The following PTTG1IP2 variants were observed in gnomAD, a reference collection of about 807,000 sequenced individuals.
PTTG1IP2 encodes the protein PTTG1IP family member 2.
At chr7:90,470,294 T>G (rs973065658) in intron 1 of PTTG1IP2, 25 of 152,328 alleles carry the variant, frequency 1.6e-4, no homozygotes, top group African/African-American at 5.8e-4. Flanking sequence ...TCTTAAGTTT[T>G]TTAAGGTCTT....
chr7:90,501,638 C>T (rs1490680859), intron 6 of PTTG1IP2, among the ~76,000 whole-genome samples: 1 of 152,220 alleles, frequency 6.6e-6, no homozygotes, highest in Non-Finnish European at 1.5e-5. Flanking sequence ...CACAGCACTA[C>T]AGCCTGGGTA....
intron 2 of PTTG1IP2, among the ~76,000 whole-genome samples, chr7:90,480,851 T>C (rs1797807787): frequency 6.6e-6 from 1 of 152,204 alleles, no homozygotes. Flanking sequence ...TTGTCCTATT[T>C]GGTTTCTCAT....
At position 90,497,713 on chromosome 7, in the gene PTTG1IP2, T is replaced by TAAAAAAAAAAAA. The variant is rs1491565834; in HGVS notation, c.*50+3284_*50+3285insAAAAAAAAAAAA. Among the ~76,000 whole-genome samples, 103 of 49,592 alleles carry TAAAAAAAAAAAA rather than the reference T, an allele frequency of 2.1e-3. 34 individuals carry two copies. Among genetic ancestry groups the TAAAAAAAAAAAA allele is most frequent in the East Asian group, 0.011 (14 of 1,320 alleles). 32.5% of individuals were successfully genotyped at this position (49,592 alleles called of 152,430 possible). On this transcript the variant is annotated intron_variant, in intron 6 of 6. Coordinates refer to ENST00000509356, the MANE Select transcript of PTTG1IP2 (RefSeq NM_001365443.2). Reference sequence around the variant, plus strand: ...GCCTGAGCGACAGAGAAAGACCCTGTATAAAAAAAAAAAAAAAAAAAAAAA... The same window carrying TAAAAAAAAAAAA: ...GCCTGAGCGACAGAGAAAGACCCTGTAAAAAAAAAAAAATAAAAAAAAAAAAAAAAAAAAAAA...
chr7:90,506,531 C>A (rs1798126634), intron 6 of PTTG1IP2, among the ~76,000 whole-genome samples: 1 of 151,994 alleles, frequency 6.6e-6, no homozygotes, highest in Non-Finnish European at 1.5e-5. Flanking sequence ...GGGAGGCCAA[C>A]AAGGGAGGAC....
At chr7:90,495,490 C>T (rs1001638727) in intron 6 of PTTG1IP2, among the ~76,000 whole-genome samples, 1 of 152,174 alleles carries the variant, frequency 6.6e-6, no homozygotes, top group Non-Finnish European at 1.5e-5. Flanking sequence ...GCACATTTGC[C>T]TTTCAGCAAG....
At chr7:90,476,124 T>G (rs177661) in intron 1 of PTTG1IP2, among the ~76,000 whole-genome samples, 144,987 of 151,914 alleles carry the variant, frequency 0.95, 69,227 homozygotes, top group East Asian at 1. Context: ...AAATACTCAA[T>G]AATATCCAGC....
At chr7:90,476,783 G>A (rs998576791) in intron 1 of PTTG1IP2, among the ~76,000 whole-genome samples, 5 of 151,724 alleles carry the variant, frequency 3.3e-5, no homozygotes, top group Non-Finnish European at 5.9e-5. Context: ...AGATGTAACA[G>A]GTAAATAAAA....
chr7:90,471,042 T>C (rs1211655326), intron 1 of PTTG1IP2, among the ~76,000 whole-genome samples: 1 of 151,838 alleles, frequency 6.6e-6, no homozygotes, highest in Non-Finnish European at 1.5e-5. Flanking sequence ...TCTCCAAAGA[T>C]GGAAGTTTCT....
intron 6 of PTTG1IP2, among the ~76,000 whole-genome samples, chr7:90,500,081 G>C (rs1798045327): frequency 6.6e-6 from 1 of 151,988 alleles, no homozygotes; most frequent in Non-Finnish European, 1.5e-5. Flanking sequence ...GGACTTGGTG[G>C]TGTGCACCTG....
intron 5 of PTTG1IP2, among the ~76,000 whole-genome samples, chr7:90,493,869 T>C (rs1797965413): frequency 6.6e-6 from 1 of 152,238 alleles, no homozygotes; most frequent in African/African-American, 2.4e-5. Flanking sequence ...TGTTTGCATA[T>C]GGTAGTTTTC....
intron 1 of PTTG1IP2, among the ~76,000 whole-genome samples, chr7:90,472,279 AACACACACACACACACACACAC>A (rs144907444): frequency 0.016 from 2,199 of 138,052 alleles, 46 homozygotes; most frequent in African/African-American, 0.055. Flanking sequence ...ATAGCATGCA[AACACACACACACACACACACAC>A]ACACACACAC....
chr7:90,477,804 A>T (rs1797766289), intron 1 of PTTG1IP2, among the ~76,000 whole-genome samples: 1 of 152,184 alleles, frequency 6.6e-6, no homozygotes, highest in African/African-American at 2.4e-5. Flanking sequence ...AGTGTAAGGT[A>T]TTAACAATAG....
intron 6 of PTTG1IP2, among the ~76,000 whole-genome samples, chr7:90,501,355 A>C (rs1307010246): frequency 6.6e-6 from 1 of 152,200 alleles, no homozygotes; most frequent in African/African-American, 2.4e-5. Flanking sequence ...TTATGTCTAA[A>C]AAACAACATA....
chr7:90,496,107 G>A (rs1007014812), intron 6 of PTTG1IP2, among the ~76,000 whole-genome samples: 10 of 152,140 alleles, frequency 6.6e-5, no homozygotes, highest in African/African-American at 1.9e-4. Flanking sequence ...ATATTAGCCC[G>A]CAATTTTCTT....
intron 3 of PTTG1IP2, among the ~76,000 whole-genome samples, chr7:90,488,253 A>C (rs1797898706): frequency 1.3e-5 from 2 of 152,058 alleles, no homozygotes; most frequent in Non-Finnish European, 2.9e-5. Context: ...TTCCGGTACT[A>C]TCAGATATAT....
intron 6 of PTTG1IP2, among the ~76,000 whole-genome samples, chr7:90,508,263 C>CAAAAAA (rs5885728): frequency 1.3e-5 from 1 of 76,912 alleles, no homozygotes; most frequent in Admixed American, 1.4e-4. Context: ...GAACTCGTCT[C>CAAAAAA]AAAAAAAAAA....
chr7:90,490,907 C>T (rs557450917), intron 4 of PTTG1IP2, among the ~76,000 whole-genome samples: 10 of 152,266 alleles, frequency 6.6e-5, no homozygotes, highest in Non-Finnish European at 1.2e-4. Flanking sequence ...TCTGGTTTAA[C>T]TCTGCTGTAT....
At chr7:90,478,096 C>CAAAAAAAA (rs370035849) in intron 1 of PTTG1IP2, among the ~76,000 whole-genome samples, 10 of 67,930 alleles carry the variant, frequency 1.5e-4, no homozygotes, top group East Asian at 3.1e-4. Context: ...GACTCCGTCT[C>CAAAAAAAA]AAAAAAAAAA....
In PTTG1IP2 at chr7:90,505,314, T is replaced by G. The variant is rs543282948; in HGVS notation, c.*51-7964T>G. Among the ~76,000 whole-genome samples the G allele has an allele frequency of 1.8e-3, 269 of 152,348 alleles. 1 individual carries two copies. Among genetic ancestry groups the G allele is most frequent in the Non-Finnish European group, 3.4e-3 (228 of 68,038 alleles). On this transcript the variant is annotated intron_variant, in intron 6 of 6. Coordinates refer to ENST00000509356, the MANE Select transcript of PTTG1IP2 (RefSeq NM_001365443.2). Reference sequence around the variant, plus strand: ...GGATGTTAGCAGAGAAAGCTATTGTTGGACTGCAGGTGAGATGAGATGATT... The same window carrying G: ...GGATGTTAGCAGAGAAAGCTATTGTGGGACTGCAGGTGAGATGAGATGATT...
Sources: allele counts gnomAD v4.1 joint callset (sites outside exome capture counted in the v4.1 genomes callset), GRCh38; gene constraint gnomAD v4.1.1; transcripts MANE v1.5; gene names NCBI Gene and HGNC (gene_info 2026-07-23, HGNC 2026-07-21).